Variants in DENND1A observed in about 807,000 individuals in gnomAD.
DENND1A encodes the protein DENN domain containing 1A.
Under a neutral mutation model 113.7 loss-of-function variants are expected in DENND1A, and 51 were observed. The observed-to-expected ratio is 0.45, with a 90% CI of 0.36 to 0.57. The LOEUF (loss-of-function observed/expected upper bound fraction) is 0.57, where lower values mean the gene tolerates loss of function less well. Ranked by LOEUF, DENND1A falls within the 20% of genes least tolerant of loss-of-function variation. The probability of loss-of-function intolerance (pLI) is 0.00; values close to 1 mark genes in which losing one functional copy is unlikely to be tolerated. For missense variants in DENND1A, 1,258 were observed against 1,395.9 expected (o/e 0.90, Z 1.57); for synonymous variants, 565 against 570.8 (o/e 0.99, Z 0.14).
In DENND1A at chr9:123,381,330, C is replaced by T. The variant is rs2042254650; in HGVS notation, c.*102G>A. On this transcript the variant is annotated 3_prime_UTR_variant, in exon 24 of 24. Transcript: ENST00000394215. This position sits in a 1 kb window ranked among gnomAD's most constrained non-coding sequence, Gnocchi z 4.7. The stretch of plus-strand genomic sequence containing the variant: ...CAGAGAGGGGTCCCATCCCTTCCCA[C>T]CAGCAGAACCTGGGCAGAGAGAGAG... The T allele has an allele frequency of 1.7e-6, 2 of 1,208,540 alleles. No homozygotes were observed. Among genetic ancestry groups the T allele is most frequent in the Admixed American group, 2.0e-5 (1 of 50,148 alleles). 74.9% of individuals were successfully genotyped at this position (1,208,540 alleles called of 1,614,324 possible).
chr9:123,625,570 C>G (rs1346231047), intron 10 of DENND1A, among the ~76,000 whole-genome samples: 3 of 152,100 alleles, frequency 2.0e-5, no homozygotes, highest in Non-Finnish European at 4.4e-5. Context: ...ATGGCGAAAC[C>G]CTGTCTCTAC....
chr9:123,821,439 C>T (rs1266841786), intron 2 of DENND1A, among the ~76,000 whole-genome samples: 1 of 152,180 alleles, frequency 6.6e-6, no homozygotes, highest in East Asian at 1.9e-4. Context: ...ACGACAGCAT[C>T]TAGCTTACTA....
intron 13 of DENND1A, among the ~76,000 whole-genome samples, chr9:123,546,508 C>T (rs1246186541): frequency 1.3e-5 from 2 of 151,630 alleles, no homozygotes; most frequent in African/African-American, 4.8e-5. Flanking sequence ...GCCTAGATCG[C>T]ACCACTGCAC....
intron 1 of DENND1A, among the ~76,000 whole-genome samples, chr9:123,898,457 T>C (rs1341903071): frequency 6.6e-6 from 1 of 152,110 alleles, no homozygotes; most frequent in African/African-American, 2.4e-5. Context: ...GCCTCCCAAG[T>C]AGCCAGGACT....
At chr9:123,738,373 A>C (rs1312798823) in intron 5 of DENND1A, among the ~76,000 whole-genome samples, 1 of 151,906 alleles carries the variant, frequency 6.6e-6, no homozygotes, top group Non-Finnish European at 1.5e-5. Context: ...CAAGAGAATA[A>C]AAAAATTTTT....
At chr9:123,864,651 G>A (rs367758987) in intron 2 of DENND1A, among the ~76,000 whole-genome samples, 50 of 152,094 alleles carry the variant, frequency 3.3e-4, no homozygotes, top group African/African-American at 1.1e-3. Flanking sequence ...GAAAAATCGC[G>A]GGAGAGAAAA....
At chr9:123,816,805 T>C (rs1362683977) in intron 2 of DENND1A, among the ~76,000 whole-genome samples, 2 of 152,122 alleles carry the variant, frequency 1.3e-5, no homozygotes, top group African/African-American at 2.4e-5. Context: ...AAAAACTACA[T>C]TGAAAGGGTT....
chr9:123,662,885 G>C (rs1221330865), intron 8 of DENND1A, among the ~76,000 whole-genome samples: 2 of 152,136 alleles, frequency 1.3e-5, no homozygotes, highest in Non-Finnish European at 2.9e-5. Context: ...GTTTCGGGGT[G>C]GGGAGTGTTA....
chr9:123,552,097 C>T (rs913054018), intron 13 of DENND1A, among the ~76,000 whole-genome samples: 2 of 146,524 alleles, frequency 1.4e-5, no homozygotes, highest in Non-Finnish European at 3.0e-5. Flanking sequence ...CTCAAGGGAG[C>T]TCTGAGCCAG....
chr9:123,872,201 C>G (rs1389714963), intron 2 of DENND1A, among the ~76,000 whole-genome samples: 1 of 151,938 alleles, frequency 6.6e-6, no homozygotes, highest in African/African-American at 2.4e-5. Flanking sequence ...AAATTAAGAA[C>G]AAAGTAGATC....
At chr9:123,803,825 C>T (rs746727512) in intron 2 of DENND1A, among the ~76,000 whole-genome samples, 2 of 152,250 alleles carry the variant, frequency 1.3e-5, no homozygotes, top group Non-Finnish European at 2.9e-5. Context: ...TCTATACCCA[C>T]AGTCACCACT....
intron 10 of DENND1A, among the ~76,000 whole-genome samples, chr9:123,616,170 T>C (rs1255061611): frequency 6.6e-6 from 1 of 152,238 alleles, no homozygotes; most frequent in Non-Finnish European, 1.5e-5. Context: ...CCTCAGGTGA[T>C]CCACCTGCCT....
intron 13 of DENND1A, among the ~76,000 whole-genome samples, chr9:123,531,097 T>C (rs879724662): frequency 2.0e-5 from 3 of 152,182 alleles, no homozygotes; most frequent in Admixed American, 6.5e-5. Context: ...ATGATTTCCA[T>C]ATATGTGGGT....
chr9:123,772,287 C>G (rs1016559791), intron 3 of DENND1A, among the ~76,000 whole-genome samples: 4 of 152,168 alleles, frequency 2.6e-5, no homozygotes, highest in Non-Finnish European at 5.9e-5. Context: ...AAAAGTACCA[C>G]TCTCCAAGAG....
At chr9:123,591,579 G>C (rs893920992) in intron 11 of DENND1A, among the ~76,000 whole-genome samples, 1 of 152,224 alleles carries the variant, frequency 6.6e-6, no homozygotes, top group African/African-American at 2.4e-5. Flanking sequence ...GGCCAGCACT[G>C]AGTGAATCTT....
At chr9:123,533,136 A>G (rs981768060) in intron 13 of DENND1A, among the ~76,000 whole-genome samples, 1 of 152,252 alleles carries the variant, frequency 6.6e-6, no homozygotes, top group African/African-American at 2.4e-5. Context: ...AAGGAAACTC[A>G]CATTTTCTAC....
chr9:123,728,506 A>AAAAAAAAC (rs1564150268), intron 5 of DENND1A, among the ~76,000 whole-genome samples: 7 of 145,898 alleles, frequency 4.8e-5, no homozygotes, highest in African/African-American at 1.9e-4. Flanking sequence ...AAAAAAAAAA[A>AAAAAAAAC]AAAACAGGCA....
intron 19 of DENND1A, among the ~76,000 whole-genome samples, chr9:123,427,801 C>A (rs754140982): frequency 8.5e-5 from 13 of 152,190 alleles, no homozygotes; most frequent in Non-Finnish European, 1.8e-4. Flanking sequence ...AAACCCTTGG[C>A]CTCAATAATT....
chr9:123,697,703 C>A (rs1014330047), intron 5 of DENND1A, among the ~76,000 whole-genome samples: 1 of 152,188 alleles, frequency 6.6e-6, no homozygotes, highest in African/African-American at 2.4e-5. Flanking sequence ...CCTTCCCCCA[C>A]TTCTGCAGTG....
Sources: gnomAD v4.1 joint callset for allele counts (sites outside exome capture counted in the v4.1 genomes callset) on GRCh38, gnomAD v4.1.1 for gene constraint, Gnocchi (gnomAD v3.1) non-coding constraint, MANE v1.5 for transcripts, NCBI Gene and HGNC (gene_info 2026-07-23, HGNC 2026-07-21) for gene names.